SLC27A2: variants seen among roughly 807,000 people sequenced by gnomAD.
The protein encoded by SLC27A2 is solute carrier family 27 member 2.
Under a neutral mutation model 60.0 loss-of-function variants are expected in SLC27A2, and 54 were observed. The ratio of observed to expected loss-of-function variants is 0.90; its 90% confidence interval spans 0.72 to 1.13. The LOEUF is 1.13. SLC27A2 is among the 50% of genes most tolerant of loss of function. The pLI, the probability that SLC27A2 is intolerant of heterozygous loss-of-function variation, is 0.00. For synonymous variants in SLC27A2, 297 were observed against 297.6 expected, an observed-to-expected ratio of 1.00 and a Z score of 0.02; for missense variants, 739 against 777.6, an observed-to-expected ratio of 0.95 and a Z score of 0.59.
Position 50,182,892 on chromosome 15 carries a change from G to C in SLC27A2, c.465G>C (p.Leu155=), listed in dbSNP as rs1406171092. The C allele has an allele frequency of 6.2e-6, 10 of 1,607,584 alleles. No homozygotes were observed. The highest frequency in any genetic ancestry group is 8.5e-6 in the Non-Finnish European group (10 of 1,177,510). Residue 155 remains leucine (L), a synonymous_variant, in exon 1 of 10, where the codon CTG becomes CTC. Transcript: ENST00000267842. The stretch of plus-strand genomic sequence containing the variant: ...TCCAGTGCTGCGGGGCGAAGGTGCT[G>C]CTGGTGTCGCCAGGTGAGCCCCGAG... ...HCFQCCGAKV[L]LVSPELQAAV...
intron 8 of SLC27A2, among the ~76,000 whole-genome samples, chr15:50,231,772 T>C (rs929125426): frequency 6.6e-6 from 1 of 152,126 alleles, no homozygotes; most frequent in African/African-American, 2.4e-5. Flanking sequence ...GACAGTCAGA[T>C]AGGATGAGGA....
At position 50,205,286 on chromosome 15, in the gene SLC27A2, G is replaced by T. The variant is rs904886001; in HGVS notation, c.895G>T (p.Asp299Tyr). The T allele has an allele frequency of 3.1e-6, 5 of 1,609,216 alleles. No individual in the cohort carries two copies. Among genetic ancestry groups the T allele is most frequent in the Non-Finnish European group, 4.2e-6 (5 of 1,176,964 alleles). ...TAAATTTTCAGCCAGCCAGTTTTGGGATGACTGCAGAAAATACAACGTCAC... is the reference window on the plus strand; with the variant it reads ...TAAATTTTCAGCCAGCCAGTTTTGGTATGACTGCAGAAAATACAACGTCAC... ...RTKFSASQFW[D>Y]DCRKYNVTVI... The change falls in exon 4 of 10, where the codon GAT (aspartate) becomes TAT (tyrosine). Residue 299 changes from aspartate (D) to tyrosine (Y), a missense_variant. Transcript: ENST00000267842.
chr15:50,205,117 A>G, intron 3 of SLC27A2, 122 bp from the exon 4 acceptor site: 1 of 1,237,434 alleles, frequency 8.1e-7, no homozygotes, highest in Non-Finnish European at 1.1e-6. Flanking sequence ...AAGGTACTCA[A>G]TACTTGTTTG....
At chr15:50,231,141 C>CT (rs34060039) in intron 8 of SLC27A2, among the ~76,000 whole-genome samples, 3,101 of 128,544 alleles carry the variant, frequency 0.024, 123 homozygotes, top group African/African-American at 0.073. Context: ...GAATTGTACA[C>CT]TTTTTTTTTT....
intron 5 of SLC27A2, among the ~76,000 whole-genome samples, chr15:50,223,566 C>T (rs556378161): frequency 4.6e-5 from 7 of 152,282 alleles, no homozygotes; most frequent in Non-Finnish European, 8.8e-5. Flanking sequence ...GATGCAAGGA[C>T]CAACCCGCTA....
intron 8 of SLC27A2, among the ~76,000 whole-genome samples, chr15:50,229,958 G>A (rs190514727): frequency 4.4e-4 from 67 of 152,188 alleles, no homozygotes; most frequent in Middle Eastern, 3.4e-3. Flanking sequence ...ATTCAAGGCC[G>A]AGCATGGTGG....
At chr15:50,212,520 G>C (rs192836230) in intron 4 of SLC27A2, among the ~76,000 whole-genome samples, 25 of 152,320 alleles carry the variant, frequency 1.6e-4, no homozygotes, top group African/African-American at 5.5e-4. Flanking sequence ...ACCAAGGAAA[G>C]AATCTTAAGA....
intron 4 of SLC27A2, among the ~76,000 whole-genome samples, chr15:50,209,359 C>A (rs1427826853): frequency 6.6e-6 from 1 of 151,920 alleles, no homozygotes; most frequent in Non-Finnish European, 1.5e-5. Flanking sequence ...AGAGGGAGGC[C>A]AAAAGAAAGA....
intron 1 of SLC27A2, 55 bp from the exon 2 acceptor site, chr15:50,197,445 T>G (rs2045032113): frequency 7.2e-7 from 1 of 1,390,276 alleles, no homozygotes; most frequent in Admixed American, 1.8e-5. Flanking sequence ...GAAGCACTAA[T>G]AGAACTTTAA....
chr15:50,196,072 AAAAAAATATATATATATATATAT>A (rs1358844532), intron 1 of SLC27A2, among the ~76,000 whole-genome samples: 3 of 18,116 alleles, frequency 1.7e-4, no homozygotes, highest in African/African-American at 5.8e-4. Flanking sequence ...AAAAAAAAAA[AAAAAAATATATATATATATATAT>A]ATATATATAT....
chr15:50,212,321 C>T (rs528365893), intron 4 of SLC27A2, among the ~76,000 whole-genome samples: 16 of 152,264 alleles, frequency 1.1e-4, no homozygotes, highest in African/African-American at 3.4e-4. Context: ...CCTAAGAATA[C>T]TTGATGTTCC....
In SLC27A2 at chr15:50,202,495, A is replaced by G; in HGVS notation, c.697A>G (p.Lys233Glu). 1 of 1,614,182 alleles carries G rather than the reference A, an allele frequency of 6.2e-7. No homozygotes were observed. Among genetic ancestry groups the G allele is most frequent in the Non-Finnish European group, 8.5e-7 (1 of 1,180,028 alleles). Reference sequence around the variant, plus strand: ...CTTGTATATTTACAAAGGTCTTCCAAAAGCAGCCATGATCACTCATCAGCG... The same window carrying G: ...CTTGTATATTTACAAAGGTCTTCCAGAAGCAGCCATGATCACTCATCAGCG... ...IYTSGTTGLP[K>E]AAMITHQRIW... The change falls in exon 3 of 10, where the codon AAA becomes GAA. Residue 233 changes from lysine (K) to glutamate (E), a missense_variant. Transcript: ENST00000267842.
intron 2 of SLC27A2, among the ~76,000 whole-genome samples, chr15:50,199,240 C>T (rs1333290997): frequency 1.3e-5 from 2 of 151,390 alleles, no homozygotes; most frequent in Non-Finnish European, 2.9e-5. Context: ...ATTGGGAGGC[C>T]GAGGCAGGCA....
At chr15:50,184,008 T>TTTTTTTTTTTTTTTTC (rs2044898080) in intron 1 of SLC27A2, among the ~76,000 whole-genome samples, 1 of 144,484 alleles carries the variant, frequency 6.9e-6, no homozygotes, top group Non-Finnish European at 1.5e-5. Flanking sequence ...TTTTTTTTTT[T>TTTTTTTTTTTTTTTTC]TTTTGACAGT....
intron 4 of SLC27A2, among the ~76,000 whole-genome samples, chr15:50,209,601 C>A (rs1057033804): frequency 1.3e-5 from 2 of 152,096 alleles, no homozygotes; most frequent in Non-Finnish European, 2.9e-5. Context: ...CAAATGTGAA[C>A]ATGACAAGCC....
At chr15:50,210,702 C>G (rs2140906132) in intron 4 of SLC27A2, among the ~76,000 whole-genome samples, 1 of 152,332 alleles carries the variant, frequency 6.6e-6, no homozygotes, top group Middle Eastern at 3.4e-3. Flanking sequence ...AGAACTAAAG[C>G]CCTTTCTTTA....
chr15:50,229,406 T>A (rs1319031870), intron 8 of SLC27A2, among the ~76,000 whole-genome samples: 1 of 152,202 alleles, frequency 6.6e-6, no homozygotes, highest in East Asian at 1.9e-4. Flanking sequence ...GCCAGTGCAG[T>A]TGCTAGAAGA....
chr15:50,212,718 C>T (rs1465762784), intron 4 of SLC27A2, among the ~76,000 whole-genome samples: 2 of 152,180 alleles, frequency 1.3e-5, no homozygotes, highest in African/African-American at 2.4e-5. Context: ...AAGATACAGT[C>T]GTTTTCAGAC....
Position 50,218,649 on chromosome 15 carries a change from C to A in SLC27A2, c.973-4316C>A, listed in dbSNP as rs901153052. ...AGAATTCTATATCCAGCCAAATCAT[C>A]ACTCAGATATACAATATTCAGATAT... On this transcript the variant is annotated intron_variant, in intron 4 of 9. Coordinates refer to ENST00000267842, the MANE Select transcript of SLC27A2 (RefSeq NM_003645.4). Among the ~76,000 whole-genome samples the A allele has an allele frequency of 7.9e-5, 12 of 152,164 alleles. 1 individual carries two copies. The South Asian group carries it at 2.1e-3, about 26-fold the overall frequency.
Sources: allele counts gnomAD v4.1 joint callset (sites outside exome capture counted in the v4.1 genomes callset), GRCh38; gene constraint gnomAD v4.1.1; transcripts MANE v1.5; gene names NCBI Gene and HGNC (gene_info 2026-07-23, HGNC 2026-07-21).